Variants in LCA5 observed in about 807,000 individuals in gnomAD.
The protein encoded by LCA5 is lebercilin.
A neutral mutation model predicts 53.0 loss-of-function variants in LCA5; 37 were observed. That is an observed-to-expected ratio of 0.70 (90% CI 0.54 to 0.92). The LOEUF (loss-of-function observed/expected upper bound fraction) is 0.92. Ranked by LOEUF, LCA5 falls within the 40% of genes least tolerant of loss-of-function variation. The probability of loss-of-function intolerance (pLI) is 0.00; values close to 1 mark genes in which losing one functional copy is unlikely to be tolerated. For missense variants in LCA5, 806 were observed against 790.5 expected (o/e 1.02, Z -0.23); for synonymous variants, 303 against 282.9 (o/e 1.07, Z -0.71).
intron 3 of LCA5, among the ~76,000 whole-genome samples, chr6:79,495,345 G>T (rs150252858): frequency 1.2e-3 from 176 of 152,198 alleles, no homozygotes; most frequent in African/African-American, 3.9e-3. Context: ...CTTGTATGAA[G>T]AAATGTATAG....
intron 3 of LCA5, among the ~76,000 whole-genome samples, chr6:79,511,219 G>C (rs1448799758): frequency 6.6e-6 from 1 of 152,026 alleles, no homozygotes. Flanking sequence ...TTAGTCAAGA[G>C]CCCAAAACTG....
intron 1 of LCA5, among the ~76,000 whole-genome samples, chr6:79,529,802 T>A (rs1464632890): frequency 6.6e-6 from 1 of 151,918 alleles, no homozygotes; most frequent in Non-Finnish European, 1.5e-5. Context: ...ATGTCCTTTA[T>A]GGGGACATGG....
rs140706052 is a variant in LCA5, at chr6:79,487,548, C to A, written c.1550G>T (p.Arg517Ile). 26 of 1,613,810 alleles carry A rather than the reference C, an allele frequency of 1.6e-5. No individual in the cohort carries two copies. The African/African-American group carries it at 2.8e-4, about 17-fold the overall frequency. ...KTYRFSESSERLFNGHHLQDI... is the reference protein window; with the variant it reads ...KTYRFSESSEILFNGHHLQDI... Reference sequence around the variant, plus strand: ...TTGCAAATGATGCCCATTAAATAATCTCTCTGAGGATTCAGAGAACCTGTA... The same window carrying A: ...TTGCAAATGATGCCCATTAAATAATATCTCTGAGGATTCAGAGAACCTGTA... Residue 517 changes from arginine to isoleucine, a missense_variant, in exon 8 of 8, where the codon AGA becomes ATA. Transcript: ENST00000369846.
At position 79,492,604 on chromosome 6, in the gene LCA5, C is replaced by T. The variant is rs139142572; in HGVS notation, c.902G>A (p.Arg301His). ...TTTATTTGGAGAGGACTTTGGCAGA[C>T]GATTAGAATATATATTTTTTATATC... ...ELDIKNIYSN[R>H]LPKSSPNKEK... is the part of the protein sequence containing the mutation. Residue 301 changes from arginine (R) to histidine (H), a missense_variant, in exon 5 of 8, where the codon CGT becomes CAT. Transcript: ENST00000369846. 733 of 1,568,154 alleles carry T rather than the reference C, an allele frequency of 4.7e-4. 1 individual carries two copies. The highest frequency in any genetic ancestry group is 4.5e-4 in the Non-Finnish European group (516 of 1,144,254).
rs184429266 is a variant in LCA5 at position 79,503,373 on chromosome 6, T to C, written c.721-9623A>G. ...CTCTTCAGTCACTACCACAGAACAATTCAGTTTTATCTGCTTGCCTGTGAA... is the reference window on the plus strand; with the variant it reads ...CTCTTCAGTCACTACCACAGAACAACTCAGTTTTATCTGCTTGCCTGTGAA... On this transcript the variant is annotated intron_variant, in intron 3 of 7. Transcript: ENST00000369846. 2.9e-3 allele frequency among the ~76,000 whole-genome samples: 443 copies of C among 152,250 alleles called. 1 individual carries two copies. The highest frequency in any genetic ancestry group is 4.1e-3 in the Non-Finnish European group (281 of 68,010).
At chr6:79,515,240 G>A (rs750768813) in intron 2 of LCA5, among the ~76,000 whole-genome samples, 165 of 152,088 alleles carry the variant, frequency 1.1e-3, no homozygotes, top group Non-Finnish European at 1.7e-3. Context: ...TGTTGGGAGA[G>A]TTAAATGTTC....
intron 3 of LCA5, among the ~76,000 whole-genome samples, chr6:79,499,188 G>T (rs879437291): frequency 6.6e-6 from 1 of 151,936 alleles, no homozygotes; most frequent in South Asian, 2.1e-4. Context: ...GATCCAGAAG[G>T]ATACATACTA....
Position 79,487,031 on chromosome 6 carries a change from ATCT to A in LCA5, c.2064_2066del (p.Glu688del), listed in dbSNP as rs1769678736. 3.1e-6 allele frequency: 5 copies of A among 1,613,518 alleles called. No homozygotes were observed. In the East Asian group the frequency reaches 1.1e-4, roughly 36 times the overall value. ...ATCTCAGTGCTACTTCTTCAATTTCATCTTCTACAGAATCAGCTGCTTTTACTG... is the reference window on the plus strand; with the variant it reads ...ATCTCAGTGCTACTTCTTCAATTTCATCTACAGAATCAGCTGCTTTTACTG... On this transcript the variant is annotated inframe_deletion, in exon 8 of 8. Transcript: ENST00000369846.
Position 79,491,657 on chromosome 6 carries a change from T to G in LCA5, c.1029A>C (p.Glu343Asp). The change falls in exon 6 of 8, where the codon GAA becomes GAC. Residue 343 changes from glutamate to aspartate, a missense_variant. By Grantham distance (45) the Glu-to-Asp change is conservative. Transcript: ENST00000369846. ...VQTMEDFKPE[E>D]YPLTPETIMC... ...TAATTGTTTCTGGAGTTAAAGGATA[T>G]TCTTCTGGCTTGAAGTCTTCCATGG... 2 of 1,613,266 alleles carry G rather than the reference T, an allele frequency of 1.2e-6. No individual in the cohort carries two copies. The highest frequency in any genetic ancestry group is 2.2e-5 in the South Asian group (2 of 91,076).
rs1428550172 is a variant in LCA5 at position 79,491,649 on chromosome 6, A to G, written c.1037T>C (p.Leu346Ser). 6 of 1,613,162 alleles carry G rather than the reference A, an allele frequency of 3.7e-6. No individual in the cohort carries two copies. The South Asian group carries it at 6.6e-5, about 18-fold the overall frequency. ...MEDFKPEEYPLTPETIMCYEN... is the reference protein window; with the variant it reads ...MEDFKPEEYPSTPETIMCYEN... ...GTAACACATAATTGTTTCTGGAGTT[A>G]AAGGATATTCTTCTGGCTTGAAGTC... The change falls in exon 6 of 8, where the codon TTA becomes TCA. Residue 346 changes from leucine (L) to serine (S), a missense_variant. Transcript: ENST00000369846.
At chr6:79,505,484 C>G (rs898070427) in intron 3 of LCA5, among the ~76,000 whole-genome samples, 1 of 152,082 alleles carries the variant, frequency 6.6e-6, no homozygotes, top group African/African-American at 2.4e-5. Context: ...GTTAAAAACA[C>G]TTTTTGCATA....
chr6:79,509,617 A>G (rs974872245), intron 3 of LCA5, among the ~76,000 whole-genome samples: 1 of 152,160 alleles, frequency 6.6e-6, no homozygotes, highest in Non-Finnish European at 1.5e-5. Context: ...AAATTTATAA[A>G]ACCAAGTCAT....
rs758336487 is a variant in LCA5, at chr6:79,487,151, T to C, written c.1947A>G (p.Gln649=). 5 of 1,613,952 alleles carry C rather than the reference T, an allele frequency of 3.1e-6. No individual in the cohort carries two copies. Among genetic ancestry groups the C allele is most frequent in the Middle Eastern group, 1.6e-4 (1 of 6,084 alleles). ...FLPGNKGSRD[Q]EHDEDEGFFL... ...AAAAGCCTTCATCTTCATCATGTTC[T>C]TGATCTCTGCTGCCTTTATTCCCAG... is the stretch of plus-strand genomic sequence containing the variant. Residue 649 remains glutamine (Q), a synonymous_variant, in exon 8 of 8, where the codon CAA becomes CAG. Coordinates refer to ENST00000369846, the MANE Select transcript of LCA5 (RefSeq NM_001122769.3).
Position 79,486,892 on chromosome 6 carries a change from A to C in LCA5, c.*112T>G. ...AACTGCATTGTATTTAGCTATTAAA[A>C]ATCATTCCTTAATAAGGACATTTTA... On this transcript the variant is annotated 3_prime_UTR_variant, in exon 8 of 8. Coordinates refer to ENST00000369846, the MANE Select transcript of LCA5 (RefSeq NM_001122769.3). 1 of 880,160 alleles carries C rather than the reference A, an allele frequency of 1.1e-6. No individual in the cohort carries two copies. The highest frequency in any genetic ancestry group is 1.7e-6 in the Non-Finnish European group (1 of 586,936). 54.5% of individuals were successfully genotyped at this position (880,160 alleles called of 1,614,324 possible).
upstream of LCA5, among the ~76,000 whole-genome samples, chr6:79,538,774 C>T (rs1187970985): frequency 6.6e-6 from 1 of 152,198 alleles, no homozygotes; most frequent in African/African-American, 2.4e-5. Flanking sequence ...ATGAAACCAC[C>T]ATTTATTCAG....
At chr6:79,523,193 G>A (rs934585921) in intron 1 of LCA5, among the ~76,000 whole-genome samples, 3 of 151,958 alleles carry the variant, frequency 2.0e-5, no homozygotes, top group African/African-American at 4.8e-5. Context: ...CCTAGCAATC[G>A]CAGTCTCTAT....
At chr6:79,497,226 G>A (rs1400258581) in intron 3 of LCA5, among the ~76,000 whole-genome samples, 1 of 152,128 alleles carries the variant, frequency 6.6e-6, no homozygotes, top group Non-Finnish European at 1.5e-5. Context: ...TTTTCATGAG[G>A]AACAAGATAT....
rs1769899620 is a variant in LCA5, at chr6:79,493,607, A to G, written c.858+6T>C. 2 of 1,610,500 alleles carry G rather than the reference A, an allele frequency of 1.2e-6. No individual in the cohort carries two copies. The highest frequency in any genetic ancestry group is 1.7e-6 in the Non-Finnish European group (2 of 1,176,900). ...TATGGAAAACAATGCAATTTAAAAT[A>G]CTTACCTTTAATTTGTGATATAGTC... On this transcript the variant is annotated splice_donor_region_variant and intron_variant, in intron 4 of 7. Coordinates refer to ENST00000369846, the MANE Select transcript of LCA5 (RefSeq NM_001122769.3).
chr6:79,505,666 T>C (rs1386363879), intron 3 of LCA5, among the ~76,000 whole-genome samples: 4 of 152,174 alleles, frequency 2.6e-5, no homozygotes, highest in Non-Finnish European at 5.9e-5. Context: ...ACCATTATTC[T>C]GTCCTAATTA....
Sources: gnomAD v4.1 joint callset for allele counts (sites outside exome capture counted in the v4.1 genomes callset) on GRCh38, gnomAD v4.1.1 for gene constraint, MANE v1.5 for transcripts, NCBI Gene and HGNC (gene_info 2026-07-23, HGNC 2026-07-21) for gene names.